AFG1L: variants seen among roughly 807,000 people sequenced by gnomAD.
The protein encoded by AFG1L is AFG1 like ATPase, also known as AFG1-like ATPase.
In AFG1L, 53 loss-of-function variants were observed where a neutral mutation model predicts 62.2. The observed-to-expected ratio is 0.85, with a 90% CI of 0.68 to 1.07. AFG1L has a LOEUF of 1.07. Ranked by LOEUF, AFG1L falls within the 50% of genes least tolerant of loss-of-function variation. The probability of loss-of-function intolerance (pLI) is 0.00; values close to 1 mark genes in which losing one functional copy is unlikely to be tolerated. For synonymous variants in AFG1L, 228 were observed against 210.3 expected, an observed-to-expected ratio of 1.08 and a Z score of -0.73; for missense variants, 555 against 590.5, an observed-to-expected ratio of 0.94 and a Z score of 0.62.
At chr6:108,314,321 T>TA (rs924871528) in intron 1 of AFG1L, among the ~76,000 whole-genome samples, 2 of 152,162 alleles carry the variant, frequency 1.3e-5, no homozygotes, top group Admixed American at 6.5e-5. Context: ...TCTTATTTTC[T>TA]AAAGCAATCT....
intron 2 of AFG1L, among the ~76,000 whole-genome samples, chr6:108,341,469 C>T (rs999693497): frequency 4.6e-5 from 7 of 152,116 alleles, no homozygotes; most frequent in Admixed American, 1.3e-4. Flanking sequence ...CAGTCTTTGG[C>T]GTGATTACAC....
At chr6:108,305,493 C>T (rs1465669381) in intron 1 of AFG1L, among the ~76,000 whole-genome samples, 1 of 152,174 alleles carries the variant, frequency 6.6e-6, no homozygotes, top group Non-Finnish European at 1.5e-5. Context: ...TCATGTGAGC[C>T]TCCTGACAGC....
At chr6:108,519,519 G>T (rs1353227527) in intron 11 of AFG1L, among the ~76,000 whole-genome samples, 178 bp from the exon 12 acceptor site, 1 of 152,104 alleles carries the variant, frequency 6.6e-6, no homozygotes, top group Non-Finnish European at 1.5e-5. Flanking sequence ...AAAGTACTAT[G>T]CAGTTTTAAA....
At chr6:108,351,754 C>T (rs1779088774) in intron 3 of AFG1L, among the ~76,000 whole-genome samples, 1 of 151,852 alleles carries the variant, frequency 6.6e-6, no homozygotes, top group African/African-American at 2.4e-5. Context: ...AAAATTTTCC[C>T]TTTTAAACAT....
rs1438602760 is a variant in AFG1L at position 108,524,948 on chromosome 6, A to G, written c.*2523A>G. 2 of 152,336 alleles carry G rather than the reference A, an allele frequency of 1.3e-5. No individual in the cohort carries two copies. The highest frequency in any genetic ancestry group is 3.9e-4 in the East Asian group (2 of 5,192). 9.4% of individuals were successfully genotyped at this position (152,336 alleles called of 1,614,324 possible). Reference sequence around the variant, plus strand: ...ATTGGAGAGCAACATTTCACTTTATATGTCTTTCTTCTGAGCCCTGCCCCT... The same window carrying G: ...ATTGGAGAGCAACATTTCACTTTATGTGTCTTTCTTCTGAGCCCTGCCCCT... On this transcript the variant is annotated 3_prime_UTR_variant, in exon 13 of 13. Transcript: ENST00000368977.
chr6:108,476,890 G>T lies in AFG1L; in HGVS notation c.916G>T (p.Val306Phe), dbSNP rs1452330713. The change falls in exon 9 of 13, where the codon GTC (valine) becomes TTC (phenylalanine). Residue 306 changes from valine to phenylalanine, a missense_variant. Val to Phe is a conservative substitution (Grantham distance 50, BLOSUM62 -1). Coordinates refer to ENST00000368977, the MANE Select transcript of AFG1L (RefSeq NM_145315.5). ...CACAAGTGAAGCTGATGTGGAGGCT[G>T]TCATGGATAAGTTGTTTGATGAGCT... is the stretch of plus-strand genomic sequence containing the variant. ...YLTSEADVEA[V>F]MDKLFDELAQ... is the part of the protein sequence containing the mutation. The T allele has an allele frequency of 6.2e-7, 1 of 1,613,794 alleles. No homozygotes were observed.
intron 6 of AFG1L, among the ~76,000 whole-genome samples, chr6:108,399,361 TA>T (rs1222876456): frequency 6.6e-6 from 1 of 151,752 alleles, no homozygotes; most frequent in Non-Finnish European, 1.5e-5. Flanking sequence ...CTAATTTTTG[TA>T]GTTTTTGGAG....
chr6:108,325,730 C>T (rs1778016253), intron 2 of AFG1L, among the ~76,000 whole-genome samples: 1 of 152,008 alleles, frequency 6.6e-6, no homozygotes, highest in African/African-American at 2.4e-5. Flanking sequence ...AGGTGATCCG[C>T]CCACCTCGGC....
intron 6 of AFG1L, among the ~76,000 whole-genome samples, chr6:108,374,939 G>A (rs1307136234): frequency 6.6e-6 from 1 of 152,088 alleles, no homozygotes; most frequent in East Asian, 1.9e-4. Flanking sequence ...CCATTTTAAT[G>A]ACATAGATTC....
intron 8 of AFG1L, among the ~76,000 whole-genome samples, chr6:108,464,219 A>G (rs189914612): frequency 6.8e-4 from 103 of 152,284 alleles, no homozygotes; most frequent in African/African-American, 2.3e-3. Context: ...GAAGAAATTA[A>G]TTTCCATTTA....
intron 7 of AFG1L, among the ~76,000 whole-genome samples, chr6:108,433,300 G>A (rs1165468950): frequency 2.6e-5 from 4 of 151,754 alleles, no homozygotes; most frequent in Admixed American, 6.6e-5. Context: ...TTTTTTGAGA[G>A]ACAGAGTCTT....
intron 10 of AFG1L, among the ~76,000 whole-genome samples, chr6:108,497,118 G>A (rs1773999776): frequency 6.6e-6 from 1 of 152,126 alleles, no homozygotes; most frequent in African/African-American, 2.4e-5. Flanking sequence ...GAAATGATGG[G>A]TGTAAGTTTA....
At chr6:108,400,888 GCAAATA>G in intron 6 of AFG1L, among the ~76,000 whole-genome samples, 1 of 135,008 alleles carries the variant, frequency 7.4e-6, no homozygotes, top group Non-Finnish European at 1.5e-5. Context: ...TATATATAAT[GCAAATA>G]TATATAATGC....
At chr6:108,324,690 G>T (rs1049349961) in intron 2 of AFG1L, among the ~76,000 whole-genome samples, 3 of 150,340 alleles carry the variant, frequency 2.0e-5, no homozygotes, top group Non-Finnish European at 4.4e-5. Context: ...GTCCTTTCAG[G>T]ACTTTTTTTT....
intron 6 of AFG1L, among the ~76,000 whole-genome samples, chr6:108,389,318 T>TG (rs1273537396): frequency 6.6e-6 from 1 of 152,208 alleles, no homozygotes; most frequent in Non-Finnish European, 1.5e-5. Flanking sequence ...TGATGGGTCT[T>TG]GACTCTTTAT....
At chr6:108,395,407 T>C (rs949721832) in intron 6 of AFG1L, among the ~76,000 whole-genome samples, 19 of 146,550 alleles carry the variant, frequency 1.3e-4, no homozygotes, top group Non-Finnish European at 2.9e-4. Context: ...TCTTTTCTTT[T>C]TTTTTTTTTT....
intron 10 of AFG1L, among the ~76,000 whole-genome samples, chr6:108,497,189 G>C (rs1473239889): frequency 1.3e-5 from 2 of 152,102 alleles, no homozygotes; most frequent in Non-Finnish European, 2.9e-5. Flanking sequence ...CAACTAAACT[G>C]ATTTGCTCTT....
intron 6 of AFG1L, among the ~76,000 whole-genome samples, chr6:108,384,254 C>T (rs775208378): frequency 6.6e-6 from 1 of 152,038 alleles, no homozygotes; most frequent in African/African-American, 2.4e-5. Flanking sequence ...ACAGAGTTTG[C>T]GGTAAGAACT....
At chr6:108,463,604 G>T (rs1772551285) in intron 8 of AFG1L, among the ~76,000 whole-genome samples, 1 of 152,082 alleles carries the variant, frequency 6.6e-6, no homozygotes, top group South Asian at 2.1e-4. Context: ...TGAAGGTCTG[G>T]AATTTGAGAG....
Sources: gnomAD v4.1 joint callset for allele counts (sites outside exome capture counted in the v4.1 genomes callset) on GRCh38, gnomAD v4.1.1 for gene constraint, MANE v1.5 for transcripts, NCBI Gene and HGNC (gene_info 2026-07-23, HGNC 2026-07-21) for gene names.